The following GPR149 variants were observed in gnomAD, a reference collection of about 807,000 sequenced individuals.
GPR149 encodes the protein G protein-coupled receptor 149, also known as probable G protein-coupled receptor 149.
Under a neutral mutation model 50.2 loss-of-function variants are expected in GPR149, and 50 were observed. The ratio of observed to expected loss-of-function variants is 1.00; its 90% CI spans 0.79 to 1.26. The LOEUF is 1.26. Ranked by LOEUF, GPR149 falls within the 50% of genes most tolerant of loss-of-function variation. The pLI is 0.00. For synonymous variants in GPR149, 405 were observed against 358.2 expected (o/e 1.13, Z -1.48); for missense variants, 983 against 895.4 (o/e 1.10, Z -1.25).
In GPR149 at chr3:154,428,982, G is replaced by A; in HGVS notation, c.634C>T (p.Leu212Phe). 6.2e-7 allele frequency: 1 copy of A among 1,614,088 alleles called. No homozygotes were observed. The highest frequency in any genetic ancestry group is 8.5e-7 in the Non-Finnish European group (1 of 1,180,008). The change falls in exon 1 of 4, where the codon CTC becomes TTC. Residue 212 changes from leucine to phenylalanine, a missense_variant. By Grantham distance (22) the Leu-to-Phe change is conservative. Coordinates refer to ENST00000389740, the MANE Select transcript of GPR149 (RefSeq NM_001038705.3). The stretch of plus-strand genomic sequence containing the variant: ...TCCGAACACAGCAATCGGTGAGTGA[G>A]TGGGACTGAGAGGCCCACGAGGAGT... The part of the protein sequence containing the change: ...FGLLVGLSVP[L>F]THRLLCSEEP...
At chr3:154,364,257 C>T (rs184466368) in intron 3 of GPR149, among the ~76,000 whole-genome samples, 1 of 152,318 alleles carries the variant, frequency 6.6e-6, no homozygotes, top group African/African-American at 2.4e-5. Context: ...AATACTACTG[C>T]ATTGGGCATT....
At position 154,429,148 on chromosome 3, in the gene GPR149, G is replaced by A; in HGVS notation, c.468C>T (p.Thr156=). ...AGAGCAGCAGACTGGCTGCCCACAC[G>A]GTCAGCACCACGCCGAGCACCTGGC... The part of the protein sequence containing the change: ...RSGQVLGVVL[T]VWAASLLLSA... Residue 156 remains threonine (T), a synonymous_variant, in exon 1 of 4, where the codon ACC becomes ACT. Coordinates refer to ENST00000389740, the MANE Select transcript of GPR149 (RefSeq NM_001038705.3). The A allele has an allele frequency of 1.9e-6, 3 of 1,613,702 alleles. No homozygotes were observed. Among genetic ancestry groups the A allele is most frequent in the Non-Finnish European group, 2.5e-6 (3 of 1,179,922 alleles).
At chr3:154,387,071 C>T (rs550811135) in intron 3 of GPR149, among the ~76,000 whole-genome samples, 52 of 152,108 alleles carry the variant, frequency 3.4e-4, no homozygotes, top group African/African-American at 1.2e-3. Context: ...ATATATAAAA[C>T]AATACCTATC....
intron 3 of GPR149, among the ~76,000 whole-genome samples, chr3:154,345,331 T>C (rs114417353): frequency 0.028 from 4,322 of 152,306 alleles, 85 homozygotes; most frequent in Non-Finnish European, 0.045. Context: ...TTAGAATAGA[T>C]TGTTTTTATG....
At chr3:154,418,784 G>A (rs1305619180) in intron 3 of GPR149, among the ~76,000 whole-genome samples, 3 of 151,672 alleles carry the variant, frequency 2.0e-5, no homozygotes, top group South Asian at 2.1e-4. Flanking sequence ...CCTGCACAAT[G>A]TGCACATGTA....
intron 2 of GPR149, among the ~76,000 whole-genome samples, chr3:154,427,000 C>T (rs1420273196): frequency 6.6e-6 from 1 of 151,704 alleles, no homozygotes; most frequent in African/African-American, 2.4e-5. Flanking sequence ...TTCCAAAACC[C>T]TGGAAGAATA....
chr3:154,385,269 A>T (rs1477879803), intron 3 of GPR149, among the ~76,000 whole-genome samples: 2 of 152,160 alleles, frequency 1.3e-5, no homozygotes, highest in African/African-American at 4.8e-5. Context: ...TTCATCCCCA[A>T]TCCCTGCGAA....
intron 3 of GPR149, among the ~76,000 whole-genome samples, chr3:154,397,216 T>C (rs1353493513): frequency 6.6e-6 from 1 of 151,980 alleles, no homozygotes; most frequent in Non-Finnish European, 1.5e-5. Flanking sequence ...GACAGGCTCA[T>C]AAATGAAAAA....
chr3:154,406,916 C>T (rs2108421278), intron 3 of GPR149, among the ~76,000 whole-genome samples: 1 of 152,290 alleles, frequency 6.6e-6, no homozygotes, highest in African/African-American at 2.4e-5. Context: ...TTTATGGATT[C>T]ACAGTTCCAC....
chr3:154,335,363 TCTC>T lies in GPR149; in HGVS notation c.*2333_*2335del, dbSNP rs890156480. On this transcript the variant is annotated 3_prime_UTR_variant, in exon 4 of 4. Transcript: ENST00000389740. ...TAAGTAAACTTATGTAGTTTAACCT[TCTC>T]CTCCCTTAACAAGGATTTGGAGCGT... is the stretch of plus-strand genomic sequence containing the variant. The T allele has an allele frequency of 1.3e-5, 2 of 152,132 alleles. No individual in the cohort carries two copies. The highest frequency in any genetic ancestry group is 2.4e-5 in the African/African-American group (1 of 41,452). The allele number at this position is 152,132 out of a possible 1,614,324, so 9.4% of individuals were successfully genotyped here.
chr3:154,352,963 C>A, intron 3 of GPR149: 1 of 983,554 alleles, frequency 1.0e-6, no homozygotes, highest in Admixed American at 1.7e-5. Flanking sequence ...ATCACCAGGT[C>A]TACTTCAGGA....
At chr3:154,369,636 A>G (rs1184270217) in intron 3 of GPR149, among the ~76,000 whole-genome samples, 1 of 152,266 alleles carries the variant, frequency 6.6e-6, no homozygotes, top group African/African-American at 2.4e-5. Flanking sequence ...TATGTCCCTT[A>G]CAAGGAGGAG....
chr3:154,358,337 C>G (rs1463638393), intron 3 of GPR149, among the ~76,000 whole-genome samples: 1 of 151,716 alleles, frequency 6.6e-6, no homozygotes, highest in Non-Finnish European at 1.5e-5. Context: ...CTAAATAAAC[C>G]CCAAAGTATC....
intron 3 of GPR149, among the ~76,000 whole-genome samples, chr3:154,341,332 TATATATATAA>T (rs1210912128): frequency 1.5e-4 from 14 of 93,940 alleles, no homozygotes; most frequent in African/African-American, 4.8e-4. Context: ...TATATATATA[TATATATATAA>T]AATGAGTAGG....
intron 3 of GPR149, among the ~76,000 whole-genome samples, chr3:154,408,241 A>AG: frequency 6.6e-6 from 1 of 152,332 alleles, no homozygotes; most frequent in African/African-American, 2.4e-5. Context: ...ACTCAGATGG[A>AG]CAGAGCAGCA....
chr3:154,370,844 A>G (rs2108400799), intron 3 of GPR149, among the ~76,000 whole-genome samples: 1 of 152,298 alleles, frequency 6.6e-6, no homozygotes, highest in Middle Eastern at 3.4e-3. Flanking sequence ...TGCCATTAGG[A>G]GACTTTGTTC....
chr3:154,371,783 C>T (rs546323144), intron 3 of GPR149, among the ~76,000 whole-genome samples: 21 of 152,262 alleles, frequency 1.4e-4, no homozygotes, highest in African/African-American at 4.3e-4. Flanking sequence ...ACACTCAGGG[C>T]GCTTGAATAT....
chr3:154,374,424 T>C (rs1045673184), intron 3 of GPR149, among the ~76,000 whole-genome samples: 6 of 151,916 alleles, frequency 3.9e-5, no homozygotes, highest in African/African-American at 1.5e-4. Context: ...CCGCCCACCT[T>C]GGCCTCCTAA....
rs954698221 is a variant in GPR149 at position 154,340,834 on chromosome 3, G to A, written c.1624-2563C>T. Among the ~76,000 whole-genome samples, 6 of 152,298 alleles carry A rather than the reference G, an allele frequency of 3.9e-5. No homozygotes were observed. In the East Asian group the frequency reaches 1.2e-3, roughly 30 times the overall value. On this transcript the variant is annotated intron_variant, in intron 3 of 3. Coordinates refer to ENST00000389740, the MANE Select transcript of GPR149 (RefSeq NM_001038705.3). ...CCTCCTGGGTTCAAGTGATTCTCCT[G>A]CCTCAGCCTCCTGAGTAGCTGAGAC...
Sources: gnomAD v4.1 joint callset for allele counts (sites outside exome capture counted in the v4.1 genomes callset) on GRCh38, gnomAD v4.1.1 for gene constraint, MANE v1.5 for transcripts, NCBI Gene and HGNC (gene_info 2026-07-23, HGNC 2026-07-21) for gene names.